The following PEX5L variants were observed in gnomAD, a reference collection of about 807,000 sequenced individuals.
The protein encoded by PEX5L is peroxisomal biogenesis factor 5 like, also known as PEX5-related protein.
A neutral mutation model predicts 84.0 loss-of-function variants in PEX5L; 30 were observed. The observed-to-expected ratio is 0.36, with a 90% CI of 0.27 to 0.48. The LOEUF (loss-of-function observed/expected upper bound fraction) is 0.48, where lower values mean the gene tolerates loss of function less well. PEX5L is among the 20% of genes least tolerant of loss of function. The pLI is 0.99. For missense variants in PEX5L, 533 were observed against 754.6 expected (o/e 0.71, Z 3.44); for synonymous variants, 270 against 283.1 (o/e 0.95, Z 0.46).
intron 2 of PEX5L, among the ~76,000 whole-genome samples, chr3:179,915,006 T>C (rs906011265): frequency 4.6e-5 from 7 of 152,200 alleles, no homozygotes; most frequent in African/African-American, 1.7e-4. Flanking sequence ...TTAAACACCT[T>C]CTATAAGATG....
chr3:180,001,423 C>T (rs936679994), intron 1 of PEX5L, among the ~76,000 whole-genome samples: 3 of 149,992 alleles, frequency 2.0e-5, no homozygotes, highest in South Asian at 2.1e-4. Context: ...CTGACTTATA[C>T]ACCCACCGTC....
At chr3:180,025,427 G>A (rs1258524887) in intron 1 of PEX5L, among the ~76,000 whole-genome samples, 1 of 152,218 alleles carries the variant, frequency 6.6e-6, no homozygotes, top group Non-Finnish European at 1.5e-5. Flanking sequence ...CACTGCCACA[G>A]ATGAGCTTAC....
At chr3:179,971,126 T>C (rs896819785) in intron 2 of PEX5L, among the ~76,000 whole-genome samples, 4 of 152,126 alleles carry the variant, frequency 2.6e-5, no homozygotes, top group African/African-American at 7.2e-5. Flanking sequence ...TCTTTATATA[T>C]ATTGCAGACA....
intron 1 of PEX5L, among the ~76,000 whole-genome samples, chr3:180,013,127 T>A (rs1173944968): frequency 6.6e-6 from 1 of 152,192 alleles, no homozygotes; most frequent in African/African-American, 2.4e-5. Flanking sequence ...AGCATTTACG[T>A]TTATAAAACT....
At chr3:179,929,409 G>T (rs920088223) in intron 2 of PEX5L, among the ~76,000 whole-genome samples, 7 of 151,496 alleles carry the variant, frequency 4.6e-5, no homozygotes, top group Non-Finnish European at 8.8e-5. Context: ...AAAGAATTTT[G>T]CATTTATTTT....
At chr3:179,944,010 A>C (rs1243234378) in intron 2 of PEX5L, among the ~76,000 whole-genome samples, 3 of 139,514 alleles carry the variant, frequency 2.2e-5, no homozygotes, top group South Asian at 2.2e-4. Flanking sequence ...TCCCCCCCCC[A>C]AAAAACTGAA....
Position 180,029,513 on chromosome 3 carries a change from G to T in PEX5L, c.21+7066C>A, listed in dbSNP as rs115067767. Among the ~76,000 whole-genome samples the T allele has an allele frequency of 1.9e-4, 29 of 152,286 alleles. No individual in the cohort carries two copies. The East Asian group carries it at 5.4e-3, about 28-fold the overall frequency. ...AAAAACTACAACAAATTGGCTGGTC[G>T]TTATGGAGTCAATATAATGAAGACA... On this transcript the variant is annotated intron_variant, in intron 1 of 14. Transcript: ENST00000467460.
chr3:180,011,011 A>G (rs985191642), intron 1 of PEX5L, among the ~76,000 whole-genome samples: 5 of 152,186 alleles, frequency 3.3e-5, no homozygotes, highest in Non-Finnish European at 7.3e-5. Context: ...ACTTATTAGC[A>G]GGTTAATTGA....
At chr3:179,939,350 G>A (rs1775441990) in intron 2 of PEX5L, among the ~76,000 whole-genome samples, 1 of 152,142 alleles carries the variant, frequency 6.6e-6, no homozygotes, top group Admixed American at 6.5e-5. Flanking sequence ...CACATACCTC[G>A]ATAACTTGTC....
At chr3:180,020,631 C>T (rs2110505435) in intron 1 of PEX5L, among the ~76,000 whole-genome samples, 1 of 151,988 alleles carries the variant, frequency 6.6e-6, no homozygotes, top group East Asian at 1.9e-4. Context: ...CAGAAACAGG[C>T]CTGGGATCCA....
chr3:179,904,621 G>A (rs1762517867), intron 2 of PEX5L, among the ~76,000 whole-genome samples: 1 of 152,054 alleles, frequency 6.6e-6, no homozygotes, highest in Admixed American at 6.6e-5. Flanking sequence ...TTACTACATT[G>A]GGATAAAGAC....
intron 2 of PEX5L, among the ~76,000 whole-genome samples, chr3:179,947,186 A>G (rs1777790454): frequency 6.6e-6 from 1 of 152,314 alleles, no homozygotes; most frequent in South Asian, 2.1e-4. Flanking sequence ...TTATCAATCA[A>G]TTAGAAGCAG....
chr3:179,957,510 A>G (rs753115514), intron 2 of PEX5L, among the ~76,000 whole-genome samples: 2 of 152,216 alleles, frequency 1.3e-5, no homozygotes, highest in East Asian at 1.9e-4. Flanking sequence ...GACACTGGAC[A>G]TGTGCCAACA....
At chr3:179,818,573 C>T (rs1727101291) in intron 9 of PEX5L, among the ~76,000 whole-genome samples, 1 of 151,984 alleles carries the variant, frequency 6.6e-6, no homozygotes, top group Non-Finnish European at 1.5e-5. Flanking sequence ...ACCCATTAAC[C>T]ATCCCCAGTT....
At chr3:179,864,318 GT>G (rs1747351969) in intron 7 of PEX5L, among the ~76,000 whole-genome samples, 1 of 152,116 alleles carries the variant, frequency 6.6e-6, no homozygotes, top group African/African-American at 2.4e-5. Flanking sequence ...TAAGGAGAAT[GT>G]GATATATATA....
chr3:179,996,589 G>T (rs1787909540), intron 1 of PEX5L, among the ~76,000 whole-genome samples: 1 of 152,066 alleles, frequency 6.6e-6, no homozygotes, highest in Non-Finnish European at 1.5e-5. Flanking sequence ...CAGCTAGGAG[G>T]GTCCAGAAGA....
intron 1 of PEX5L, among the ~76,000 whole-genome samples, chr3:180,011,412 T>A (rs538815410): frequency 6.6e-6 from 1 of 152,350 alleles, no homozygotes; most frequent in East Asian, 1.9e-4. Flanking sequence ...AGCCACTGTA[T>A]ATCGTAAGAA....
rs1370481045 is a variant in PEX5L, at chr3:179,857,846, A to G, written c.822+1216T>C. 2.0e-5 allele frequency among the ~76,000 whole-genome samples: 3 copies of G among 152,360 alleles called. No individual in the cohort carries two copies. The East Asian group carries it at 5.8e-4, about 29-fold the overall frequency. ...AGGCTCCATGCATTTGAACAATTTG[A>G]TTGAACTCAGCTGGTCTCAACCAAA... On this transcript the variant is annotated intron_variant, in intron 8 of 14. Coordinates refer to ENST00000467460, the MANE Select transcript of PEX5L (RefSeq NM_016559.3).
At chr3:179,922,271 T>C (rs542851635) in intron 2 of PEX5L, among the ~76,000 whole-genome samples, 13 of 152,020 alleles carry the variant, frequency 8.6e-5, no homozygotes, top group Non-Finnish European at 1.9e-4. Context: ...ATGAGAGATA[T>C]TACGCAAATA....
Sources: gnomAD v4.1 joint callset for allele counts (sites outside exome capture counted in the v4.1 genomes callset) on GRCh38, gnomAD v4.1.1 for gene constraint, MANE v1.5 for transcripts, NCBI Gene and HGNC (gene_info 2026-07-23, HGNC 2026-07-21) for gene names.